The following SNTG1 variants were observed in gnomAD, a reference collection of about 807,000 sequenced individuals.
The protein encoded by SNTG1 is gamma-1-syntrophin.
In SNTG1, 39 loss-of-function variants were observed where a neutral mutation model predicts 74.7. The ratio of observed to expected loss-of-function variants is 0.52; its 90% confidence interval spans 0.40 to 0.68. The LOEUF (loss-of-function observed/expected upper bound fraction) is 0.68. Ranked by LOEUF, SNTG1 falls within the 30% of genes least tolerant of loss-of-function variation. The pLI, the probability that SNTG1 is intolerant of heterozygous loss-of-function variation, is 0.00. For synonymous variants in SNTG1, 254 were observed against 217.1 expected (o/e 1.17, Z -1.49); for missense variants, 685 against 609.5 (o/e 1.12, Z -1.30).
At chr8:50,500,907 G>T (rs1040101391) in intron 8 of SNTG1, among the ~76,000 whole-genome samples, 1 of 152,068 alleles carries the variant, frequency 6.6e-6, no homozygotes. Context: ...CCTTGGAGCA[G>T]GTCTATCTTT....
chr8:50,333,453 G>T (rs2091034885), intron 2 of SNTG1, among the ~76,000 whole-genome samples: 1 of 152,166 alleles, frequency 6.6e-6, no homozygotes, highest in Admixed American at 6.5e-5. Context: ...TTGATCATCT[G>T]AATTCCTAGC....
intron 2 of SNTG1, among the ~76,000 whole-genome samples, chr8:50,373,034 A>G (rs2092303825): frequency 6.6e-6 from 1 of 152,206 alleles, no homozygotes; most frequent in South Asian, 2.1e-4. Context: ...CTGCATGTAT[A>G]TAACTGCATT....
At chr8:50,367,449 T>C (rs780683111) in intron 2 of SNTG1, among the ~76,000 whole-genome samples, 3 of 152,262 alleles carry the variant, frequency 2.0e-5, no homozygotes, top group African/African-American at 7.2e-5. Flanking sequence ...CATTAGATTT[T>C]AACCCTGCAT....
intron 2 of SNTG1, among the ~76,000 whole-genome samples, chr8:50,380,086 GA>G (rs2092456052): frequency 6.6e-6 from 1 of 152,370 alleles, no homozygotes; most frequent in African/African-American, 2.4e-5. Context: ...ACTCTTACAA[GA>G]GAAGCAAACT....
chr8:50,218,426 T>C (rs1478799114), intron 2 of SNTG1, among the ~76,000 whole-genome samples: 4 of 152,346 alleles, frequency 2.6e-5, no homozygotes, highest in African/African-American at 7.2e-5. Context: ...GTGGTTGTTA[T>C]ATATTTAAGT....
intron 1 of SNTG1, among the ~76,000 whole-genome samples, chr8:49,965,209 A>T (rs879116519): frequency 1.3e-5 from 2 of 151,614 alleles, no homozygotes; most frequent in African/African-American, 2.4e-5. Flanking sequence ...GTCAACTGTG[A>T]CAATCTACAC....
intron 1 of SNTG1, among the ~76,000 whole-genome samples, chr8:50,110,286 T>C (rs1400758656): frequency 6.6e-6 from 1 of 152,140 alleles, no homozygotes; most frequent in Non-Finnish European, 1.5e-5. Context: ...CATGGATGCT[T>C]TGAGTGGTCT....
intron 18 of SNTG1, among the ~76,000 whole-genome samples, chr8:50,763,877 A>G (rs2095606225): frequency 8.8e-6 from 1 of 113,534 alleles, no homozygotes; most frequent in Non-Finnish European, 1.9e-5. Flanking sequence ...ACACACACAC[A>G]CACACACACA....
intron 1 of SNTG1, among the ~76,000 whole-genome samples, chr8:49,925,740 G>A (rs1423797938): frequency 3.3e-5 from 5 of 152,184 alleles, no homozygotes; most frequent in African/African-American, 1.2e-4. Context: ...AACTATCCAA[G>A]TTGTTGCCTG....
intron 13 of SNTG1, among the ~76,000 whole-genome samples, chr8:50,656,206 T>G (rs1231120483): frequency 6.6e-6 from 1 of 152,168 alleles, no homozygotes; most frequent in Non-Finnish European, 1.5e-5. Context: ...GTCATACTTA[T>G]TTGTTAAGTG....
intron 1 of SNTG1, among the ~76,000 whole-genome samples, chr8:50,056,865 A>G (rs1294147079): frequency 6.6e-6 from 1 of 152,224 alleles, no homozygotes; most frequent in East Asian, 1.9e-4. Flanking sequence ...GATCAAGGGC[A>G]GGCATGTTTT....
intron 1 of SNTG1, among the ~76,000 whole-genome samples, chr8:49,971,861 A>C (rs1160428832): frequency 2.0e-5 from 3 of 152,194 alleles, no homozygotes; most frequent in African/African-American, 7.2e-5. Context: ...CAAGGAAATA[A>C]AAGAGGATAC....
At chr8:49,939,460 T>C (rs1194412325) in intron 1 of SNTG1, among the ~76,000 whole-genome samples, 1 of 151,486 alleles carries the variant, frequency 6.6e-6, no homozygotes, top group African/African-American at 2.5e-5. Context: ...CTACACTTTG[T>C]TTGTTGTTGT....
At chr8:50,601,230 T>C in intron 13 of SNTG1, among the ~76,000 whole-genome samples, 1 of 149,958 alleles carries the variant, frequency 6.7e-6, no homozygotes, top group Non-Finnish European at 1.5e-5. Context: ...TTTTTGTTTG[T>C]TTGGCTTTGT....
At chr8:50,339,912 T>C (rs1458548870) in intron 2 of SNTG1, among the ~76,000 whole-genome samples, 1 of 151,510 alleles carries the variant, frequency 6.6e-6, no homozygotes. Context: ...GAGTAAACTA[T>C]GTATTGTGTA....
At chr8:49,964,209 T>G (rs1810943727) in intron 1 of SNTG1, among the ~76,000 whole-genome samples, 1 of 152,230 alleles carries the variant, frequency 6.6e-6, no homozygotes, top group Non-Finnish European at 1.5e-5. Flanking sequence ...ACTCTTCAAG[T>G]GGATGACCAC....
intron 4 of SNTG1, among the ~76,000 whole-genome samples, chr8:50,415,133 GA>G (rs1337049089): frequency 1.3e-5 from 2 of 152,074 alleles, no homozygotes; most frequent in Non-Finnish European, 2.9e-5. Context: ...CACCTTAAAA[GA>G]AATTTTTCGT....
At chr8:50,070,893 C>A (rs1040454723) in intron 1 of SNTG1, among the ~76,000 whole-genome samples, 13 of 152,310 alleles carry the variant, frequency 8.5e-5, no homozygotes, top group Admixed American at 8.5e-4. Flanking sequence ...TTGGGGACGG[C>A]TGGAGGCTGA....
intron 1 of SNTG1, among the ~76,000 whole-genome samples, chr8:50,156,461 C>A (rs2082257616): frequency 6.6e-6 from 1 of 151,872 alleles, no homozygotes; most frequent in Non-Finnish European, 1.5e-5. Context: ...GTCTAGAAAT[C>A]TAAGATTACT....
Sources: allele counts gnomAD v4.1 joint callset (sites outside exome capture counted in the v4.1 genomes callset), GRCh38; gene constraint gnomAD v4.1.1; transcripts MANE v1.5; gene names NCBI Gene and HGNC (gene_info 2026-07-23, HGNC 2026-07-21).